Variants in BCL2 observed in about 807,000 individuals in gnomAD.
BCL2 encodes BCL2 apoptosis regulator.
BCL2 carries 1 observed loss-of-function variant against 14.2 expected under a neutral mutation model. That is an observed-to-expected ratio of 0.07 (90% CI 0.02 to 0.33). The LOEUF (loss-of-function observed/expected upper bound fraction) is 0.33, where lower values mean the gene tolerates loss of function less well. Ranked by LOEUF, BCL2 falls within the 10% of genes least tolerant of loss-of-function variation. The pLI, the probability that BCL2 is intolerant of heterozygous loss-of-function variation, is 0.99. For synonymous variants in BCL2, 151 were observed against 137.2 expected, an observed-to-expected ratio of 1.10 and a Z score of -0.70; for missense variants, 247 against 305.9, an observed-to-expected ratio of 0.81 and a Z score of 1.44.
intron 2 of BCL2, among the ~76,000 whole-genome samples, chr18:63,161,307 G>A (rs928540246): frequency 6.6e-6 from 1 of 152,112 alleles, no homozygotes; most frequent in African/African-American, 2.4e-5. Flanking sequence ...TTGTTCTCTT[G>A]TCTTCTGTAT....
chr18:63,192,117 T>C (rs1389824689), intron 2 of BCL2, among the ~76,000 whole-genome samples: 1 of 152,142 alleles, frequency 6.6e-6, no homozygotes, highest in African/African-American at 2.4e-5. Context: ...GCATTGACTG[T>C]ATAGAAATAT....
At chr18:63,223,378 C>T (rs969318715) in intron 2 of BCL2, among the ~76,000 whole-genome samples, 6 of 143,822 alleles carry the variant, frequency 4.2e-5, no homozygotes, top group Admixed American at 1.4e-4. Flanking sequence ...CCAGCCTGGG[C>T]GACAGAGCAA....
intron 2 of BCL2, among the ~76,000 whole-genome samples, chr18:63,265,096 G>A (rs756936754): frequency 6.6e-6 from 1 of 152,180 alleles, no homozygotes; most frequent in Non-Finnish European, 1.5e-5. Context: ...AGAACTCCAG[G>A]CCTCTCTGTC....
At position 63,317,571 on chromosome 18, in the gene BCL2, C is replaced by T. The variant is rs920912034; in HGVS notation, c.585+511G>A. ...TGGAAAATTTTACCGATTGATGATG[C>T]CCTTGGTCTTCTGTGGAGTCTATTC... On this transcript the variant is annotated intron_variant, in intron 2 of 2. Coordinates refer to ENST00000333681, the MANE Select transcript of BCL2 (RefSeq NM_000633.3). 3.0e-6 allele frequency: 3 copies of T among 988,778 alleles called. No individual in the cohort carries two copies. The African/African-American group carries it at 5.2e-5, about 17-fold the overall frequency. The allele number at this position is 988,778 out of a possible 1,614,324, so 61.3% of individuals were successfully genotyped here. A position where few individuals can be genotyped will look rare whatever the true frequency, so the allele number is the denominator to read the frequency against.
Position 63,215,549 on chromosome 18 carries a change from T to C in BCL2, c.586-86790A>G, listed in dbSNP as rs145979631. On this transcript the variant is annotated intron_variant, in intron 2 of 2. Coordinates refer to ENST00000333681, the MANE Select transcript of BCL2 (RefSeq NM_000633.3). The stretch of plus-strand genomic sequence containing the variant: ...ACATATATTTGTGACTACAAAACAT[T>C]TGGTAAGATTGTAGAAGCATAAAGT... Among the ~76,000 whole-genome samples the C allele has an allele frequency of 1.9e-3, 286 of 152,342 alleles. 1 individual carries two copies. The highest frequency in any genetic ancestry group is 6.2e-3 in the African/African-American group (259 of 41,574).
chr18:63,194,460 T>G (rs4987790), intron 2 of BCL2, among the ~76,000 whole-genome samples: 94,990 of 151,612 alleles, frequency 0.63, 30,979 homozygotes, highest in Non-Finnish European at 0.73. Flanking sequence ...TCAGTCTCCC[T>G]AGTAGCTGGG....
intron 2 of BCL2, among the ~76,000 whole-genome samples, chr18:63,129,442 C>T (rs984031867): frequency 2.0e-5 from 3 of 151,984 alleles, no homozygotes; most frequent in Non-Finnish European, 4.4e-5. Flanking sequence ...CCATGCTTGG[C>T]TAATTTTTAA....
At chr18:63,265,777 A>G (rs1376734041) in intron 2 of BCL2, among the ~76,000 whole-genome samples, 1 of 152,214 alleles carries the variant, frequency 6.6e-6, no homozygotes, top group East Asian at 1.9e-4. Flanking sequence ...TCAATATGAA[A>G]AGAGCCAACG....
In BCL2 at chr18:63,124,695, G is replaced by A. The variant is rs1349247819; in HGVS notation, c.*3930C>T. On this transcript the variant is annotated 3_prime_UTR_variant, in exon 3 of 3. Transcript: ENST00000333681. ...ATTGAATAACAATAAAGATCTGATTGGAACCTTCATAAGCTTGACAATGTA... is the reference window on the plus strand; with the variant it reads ...ATTGAATAACAATAAAGATCTGATTAGAACCTTCATAAGCTTGACAATGTA... The A allele has an allele frequency of 4.5e-6, 1 of 222,056 alleles. No individual in the cohort carries two copies. The highest frequency in any genetic ancestry group is 6.5e-5 in the East Asian group (1 of 15,298). 13.8% of individuals were successfully genotyped at this position (222,056 alleles called of 1,614,324 possible).
In BCL2 at chr18:63,215,051, A is replaced by C. The variant is rs572093512; in HGVS notation, c.586-86292T>G. On this transcript the variant is annotated intron_variant, in intron 2 of 2. Coordinates refer to ENST00000333681, the MANE Select transcript of BCL2 (RefSeq NM_000633.3). ...ATAAATAATACTTCCCCAGAACCCA[A>C]CTCTAGAAAGCGATAATCATCCCTT... Among the ~76,000 whole-genome samples the C allele has an allele frequency of 6.0e-4, 91 of 152,020 alleles. 2 individuals carry two copies. Among genetic ancestry groups the C allele is most frequent in the Non-Finnish European group, 1.1e-3 (73 of 67,978 alleles).
At chr18:63,237,679 A>G (rs927246114) in intron 2 of BCL2, among the ~76,000 whole-genome samples, 7 of 152,174 alleles carry the variant, frequency 4.6e-5, no homozygotes, top group African/African-American at 1.7e-4. Context: ...AAAGCTGGTC[A>G]AAGGTCAGAG....
intron 2 of BCL2, among the ~76,000 whole-genome samples, chr18:63,174,165 C>G (rs1386212277): frequency 1.3e-5 from 2 of 152,070 alleles, no homozygotes; most frequent in Admixed American, 1.3e-4. Flanking sequence ...ATTCTTAAAA[C>G]CTCTATGAAA....
At chr18:63,153,662 C>T (rs1378830188) in intron 2 of BCL2, among the ~76,000 whole-genome samples, 1 of 152,138 alleles carries the variant, frequency 6.6e-6, no homozygotes, top group Admixed American at 6.5e-5. Flanking sequence ...TTCTTGAAAT[C>T]GTCAGGGCAG....
chr18:63,222,345 T>C (rs1910420565), intron 2 of BCL2, among the ~76,000 whole-genome samples: 1 of 149,718 alleles, frequency 6.7e-6, no homozygotes, highest in African/African-American at 2.5e-5. Flanking sequence ...GAAAAATATC[T>C]GAGGTTGAAC....
intron 2 of BCL2, among the ~76,000 whole-genome samples, chr18:63,270,507 G>C (rs1911975682): frequency 6.6e-6 from 1 of 152,146 alleles, no homozygotes; most frequent in Non-Finnish European, 1.5e-5. Context: ...AAGAGGGAAA[G>C]TATTTACATA....
intron 2 of BCL2, among the ~76,000 whole-genome samples, chr18:63,251,127 G>C (rs138653260): frequency 1.4e-3 from 183 of 132,470 alleles, no homozygotes; most frequent in Non-Finnish European, 2.5e-3. Context: ...GGGTCACACG[G>C]TTGAAACTCA....
intron 2 of BCL2, among the ~76,000 whole-genome samples, chr18:63,139,343 T>C (rs764066864): frequency 6.6e-6 from 1 of 152,234 alleles, no homozygotes; most frequent in Non-Finnish European, 1.5e-5. Flanking sequence ...TAATAAACCA[T>C]AACAAGAGAG....
At chr18:63,242,938 A>G (rs1026510838) in intron 2 of BCL2, among the ~76,000 whole-genome samples, 4 of 152,196 alleles carry the variant, frequency 2.6e-5, no homozygotes, top group Non-Finnish European at 1.5e-5. Context: ...TGCCCCAAAA[A>G]GTTGTTTACA....
intron 2 of BCL2, among the ~76,000 whole-genome samples, chr18:63,150,136 GC>G (rs1244727836): frequency 2.0e-5 from 3 of 152,190 alleles, no homozygotes; most frequent in African/African-American, 7.2e-5. Context: ...TCCTGACTCA[GC>G]CTCCCATAGT....
Sources: gnomAD v4.1 joint callset for allele counts (sites outside exome capture counted in the v4.1 genomes callset) on GRCh38, gnomAD v4.1.1 for gene constraint, MANE v1.5 for transcripts, NCBI Gene and HGNC (gene_info 2026-07-23, HGNC 2026-07-21) for gene names.